Variants in SEM1 observed in about 807,000 individuals in gnomAD.
The protein encoded by SEM1 is SEM1 26S proteasome subunit.
Under a neutral mutation model 12.7 loss-of-function variants are expected in SEM1, and 3 were observed. The ratio of observed to expected loss-of-function variants is 0.24; its 90% CI spans 0.11 to 0.61. SEM1 has a LOEUF of 0.61. SEM1 is among the 20% of genes least tolerant of loss of function. The probability of loss-of-function intolerance (pLI) is 0.88; values close to 1 mark genes in which losing one functional copy is unlikely to be tolerated. For synonymous variants in SEM1, 30 were observed against 27.8 expected, an observed-to-expected ratio of 1.08 and a Z score of -0.25; for missense variants, 59 against 81.3, an observed-to-expected ratio of 0.73 and a Z score of 1.06.
downstream of SEM1, chr7:96,688,088 T>A (rs1044870339): frequency 1.3e-5 from 2 of 152,286 alleles, no homozygotes; most frequent in African/African-American, 4.8e-5. Flanking sequence ...CATTTACATT[T>A]GAAAATATTC....
downstream of SEM1, among the ~76,000 whole-genome samples, chr7:96,620,187 G>A (rs971154715): frequency 6.6e-6 from 1 of 151,944 alleles, no homozygotes; most frequent in Admixed American, 6.6e-5. Flanking sequence ...TGCGTCCAGG[G>A]TCCAGGGAGG....
intron 2 of SEM1, among the ~76,000 whole-genome samples, chr7:96,510,078 T>C (rs571400452): frequency 6.6e-6 from 1 of 152,274 alleles, no homozygotes; most frequent in South Asian, 2.1e-4. Flanking sequence ...ATTACCATAA[T>C]AAAAATCACC....
intron 2 of SEM1, chr7:96,506,708 G>A (rs891414645): frequency 3.9e-5 from 6 of 151,998 alleles, no homozygotes; most frequent in African/African-American, 1.4e-4. Context: ...TCTGCAATTA[G>A]ATAGAAGCAA....
downstream of SEM1, among the ~76,000 whole-genome samples, chr7:96,619,552 A>G (rs997241071): frequency 3.9e-5 from 6 of 151,996 alleles, no homozygotes; most frequent in Non-Finnish European, 8.8e-5. Flanking sequence ...ACTGGATTCT[A>G]GAGGGCTTCT....
chr7:96,584,362 T>A (rs1441033939), intron 2 of SEM1, among the ~76,000 whole-genome samples: 1 of 152,188 alleles, frequency 6.6e-6, no homozygotes, highest in East Asian at 1.9e-4. Context: ...GGCTTCCCTT[T>A]GAGGGTAACC....
chr7:96,564,973 A>T (rs553739025), intron 2 of SEM1, among the ~76,000 whole-genome samples: 4 of 152,068 alleles, frequency 2.6e-5, no homozygotes, highest in Admixed American at 2.0e-4. Context: ...GCAGAAGAAA[A>T]AAATTAGTGA....
chr7:96,683,063 C>T (rs1396217812), intron 2 of SEM1, among the ~76,000 whole-genome samples: 1 of 151,978 alleles, frequency 6.6e-6, no homozygotes, highest in Non-Finnish European at 1.5e-5. Flanking sequence ...ACAACAGATG[C>T]TGGAGAGGAT....
chr7:96,560,278 C>A (rs1805652897), intron 2 of SEM1, among the ~76,000 whole-genome samples: 1 of 152,116 alleles, frequency 6.6e-6, no homozygotes, highest in East Asian at 1.9e-4. Flanking sequence ...AGAGTTTGCA[C>A]TAAAGTTGCA....
At chr7:96,598,425 A>G (rs1406772933) in intron 2 of SEM1, among the ~76,000 whole-genome samples, 1 of 151,880 alleles carries the variant, frequency 6.6e-6, no homozygotes, top group Non-Finnish European at 1.5e-5. Context: ...AAATAGAGGA[A>G]CAGCTGCCCT....
At chr7:96,483,954 G>A (rs915829605) in exon 4 of SEM1, 3 of 1,534,790 alleles carry the variant, frequency 2.0e-6, no homozygotes, top group Non-Finnish European at 2.6e-6. Context: ...AAGGATGGTG[G>A]GGGGCTCAGT....
chr7:96,535,581 C>T (rs893875990), intron 2 of SEM1, among the ~76,000 whole-genome samples: 1 of 151,764 alleles, frequency 6.6e-6, no homozygotes, highest in African/African-American at 2.4e-5. Context: ...AAGCATAGTG[C>T]CCAACAGTTT....
At chr7:96,701,255 C>A (rs1534078) in intron 1 of SEM1, among the ~76,000 whole-genome samples, 103,325 of 151,390 alleles carry the variant, frequency 0.68, 35,495 homozygotes, top group East Asian at 0.86. Flanking sequence ...AAAACCCCCC[C>A]AAAAATTCTT....
intron 1 of SEM1, among the ~76,000 whole-genome samples, chr7:96,490,128 CT>C (rs1802946347): frequency 6.6e-6 from 1 of 152,076 alleles, no homozygotes; most frequent in East Asian, 1.9e-4. Flanking sequence ...AAAAAAATTT[CT>C]TGAATGGATG....
chr7:96,682,900 T>A (rs1789655819), intron 2 of SEM1, among the ~76,000 whole-genome samples: 1 of 152,070 alleles, frequency 6.6e-6, no homozygotes, highest in African/African-American at 2.4e-5. Flanking sequence ...GCAAAGGATA[T>A]GAACAAATAC....
At chr7:96,656,920 T>C (rs1809201510) in intron 2 of SEM1, among the ~76,000 whole-genome samples, 1 of 151,840 alleles carries the variant, frequency 6.6e-6, no homozygotes, top group African/African-American at 2.4e-5. Context: ...GGCTTATTTA[T>C]AAGTTGGGTC....
intron 2 of SEM1, among the ~76,000 whole-genome samples, chr7:96,533,708 C>T (rs1428908961): frequency 2.0e-5 from 3 of 152,002 alleles, no homozygotes; most frequent in Non-Finnish European, 2.9e-5. Flanking sequence ...CCCTAAGATA[C>T]TTCAAAGAGG....
intron 2 of SEM1, chr7:96,649,657 C>T (rs1462314925): frequency 6.6e-6 from 1 of 152,212 alleles, no homozygotes; most frequent in African/African-American, 2.4e-5. Context: ...AAGACTTCTG[C>T]AGATCACTTC....
At chr7:96,677,732 G>A (rs1789489769) in intron 2 of SEM1, among the ~76,000 whole-genome samples, 3 of 151,892 alleles carry the variant, frequency 2.0e-5, no homozygotes, top group African/African-American at 7.3e-5. Flanking sequence ...TCCTCAATTG[G>A]CTTCACCAAG....
intron 1 of SEM1, chr7:96,496,281 T>C (rs1803253118): frequency 6.6e-7 from 1 of 1,514,562 alleles, no homozygotes; most frequent in Non-Finnish European, 8.9e-7. Context: ...TATCAGTTCC[T>C]ACCTGGCAAT....
Sources: gnomAD v4.1 joint callset for allele counts (sites outside exome capture counted in the v4.1 genomes callset) on GRCh38, gnomAD v4.1.1 for gene constraint, MANE v1.5 for transcripts, NCBI Gene and HGNC (gene_info 2026-07-23, HGNC 2026-07-21) for gene names.